The following PCDHGA9 variants were observed in gnomAD, a reference collection of about 807,000 sequenced individuals.
PCDHGA9 encodes protocadherin gamma subfamily A, 9.
A neutral mutation model predicts 62.5 loss-of-function variants in PCDHGA9; 37 were observed. The ratio of observed to expected loss-of-function variants is 0.59; its 90% CI spans 0.46 to 0.78. The LOEUF is 0.78. Ranked by LOEUF, PCDHGA9 falls within the 30% of genes least tolerant of loss-of-function variation. The pLI is 0.00. For synonymous variants in PCDHGA9, 459 were observed against 484.6 expected (o/e 0.95, Z 0.69); for missense variants, 1,138 against 1,166.2 (o/e 0.98, Z 0.35).
In PCDHGA9 at chr5:141,418,448, C is replaced by T. The variant is rs1240295197; in HGVS notation, c.2424+13072C>T. On this transcript the variant is annotated intron_variant, in intron 1 of 3. Transcript: ENST00000573521. ...TGGCAAATATCCAGAATTAGTATTG[C>T]AGAAGACTCTGGACCGAGAAACGCA... 1.9e-6 allele frequency: 3 copies of T among 1,613,850 alleles called. No homozygotes were observed. The African/African-American group carries it at 4.0e-5, about 22-fold the overall frequency.
At chr5:141,418,868 G>A in intron 1 of PCDHGA9, 2 of 1,613,998 alleles carry the variant, frequency 1.2e-6, no homozygotes, top group Non-Finnish European at 1.7e-6. Flanking sequence ...AATTGTAGAA[G>A]TTGTAGACGA....
intron 1 of PCDHGA9, chr5:141,409,251 C>T (rs2095247124): frequency 6.2e-7 from 1 of 1,613,922 alleles, no homozygotes; most frequent in Non-Finnish European, 8.5e-7. Context: ...ATAATCATCA[C>T]TTCTCTCTCT....
intron 1 of PCDHGA9, chr5:141,418,245 A>G: frequency 5.6e-6 from 9 of 1,614,046 alleles, no homozygotes; most frequent in Non-Finnish European, 7.6e-6. Flanking sequence ...GTTAATGACC[A>G]CGCCCCTCAA....
intron 1 of PCDHGA9, chr5:141,422,386 A>G: frequency 1.3e-6 from 2 of 1,587,922 alleles, no homozygotes; most frequent in Non-Finnish European, 1.7e-6. Flanking sequence ...CTCCTGTTTT[A>G]TTCCTAACCA....
chr5:141,415,961 C>T, intron 1 of PCDHGA9: 1 of 438,836 alleles, frequency 2.3e-6, no homozygotes, highest in Non-Finnish European at 3.6e-6. Context: ...TATTGAAACT[C>T]CAGCCCCTTA....
At position 141,404,694 on chromosome 5, in the gene PCDHGA9, C is replaced by T. The variant is rs749803871; in HGVS notation, c.1742C>T (p.Ser581Phe). 10 of 1,614,116 alleles carry T rather than the reference C, an allele frequency of 6.2e-6. No homozygotes were observed. The East Asian group carries it at 2.0e-4, about 32-fold the overall frequency. ...ACTGGTGTGGAGCTGGCACCCCGCT[C>T]TGCAGAGCCTGGCTACCTGGTGACC... Reference protein sequence around the residue: ...GSTGVELAPRSAEPGYLVTKV... With the variant: ...GSTGVELAPRFAEPGYLVTKV... The change falls in exon 1 of 4, where the codon TCT becomes TTT. Residue 581 changes from serine to phenylalanine, a missense_variant. Ser to Phe is a radical substitution (Grantham distance 155). Coordinates refer to ENST00000573521, the MANE Select transcript of PCDHGA9 (RefSeq NM_018921.3).
Position 141,510,980 on chromosome 5 carries a change from G to C in PCDHGA9, c.2606G>C (p.Gly869Ala), listed in dbSNP as rs1466168256. 12 of 1,614,170 alleles carry C rather than the reference G, an allele frequency of 7.4e-6. No individual in the cohort carries two copies. The highest frequency in any genetic ancestry group is 9.3e-6 in the Non-Finnish European group (11 of 1,180,014). ...AADGSSTLGG[G>A]AGTMGLSARY... ...GATGGGAGCTCCACCCTGGGAGGGG[G>C]TGCCGGCACCATGGGATTGAGCGCC... is the stretch of plus-strand genomic sequence containing the variant. Residue 869 changes from glycine (G) to alanine (A), a missense_variant, in exon 4 of 4, where the codon GGT becomes GCT. By Grantham distance (60) the Gly-to-Ala change is moderately conservative (BLOSUM62 0). Transcript: ENST00000573521.
At chr5:141,494,190 G>GAGAA (rs2099752701) in intron 1 of PCDHGA9, among the ~76,000 whole-genome samples, 1 of 152,186 alleles carries the variant, frequency 6.6e-6, no homozygotes, top group Non-Finnish European at 1.5e-5. Flanking sequence ...CCCGGGACTT[G>GAGAA]GATGCCCCGC....
In PCDHGA9 at chr5:141,476,868, C is replaced by G. The variant is rs1213404395; in HGVS notation, c.2425-17939C>G. On this transcript the variant is annotated intron_variant, in intron 1 of 3. Transcript: ENST00000573521. This position sits in a 1 kb window ranked among gnomAD's most constrained non-coding sequence, Gnocchi z 7.6. Reference sequence around the variant, plus strand: ...GTCTTCAACCAGTCCTTGTACCGGGCGCGCGTCCTGGAGGATGCACCCTCC... The same window carrying G: ...GTCTTCAACCAGTCCTTGTACCGGGGGCGCGTCCTGGAGGATGCACCCTCC... 2.5e-6 allele frequency: 4 copies of G among 1,613,874 alleles called. No homozygotes were observed. Among genetic ancestry groups the G allele is most frequent in the Non-Finnish European group, 3.4e-6 (4 of 1,180,050 alleles).
At position 141,409,159 on chromosome 5, in the gene PCDHGA9, GGAAGC is replaced by G. The variant is rs1361879939; in HGVS notation, c.2424+3788_2424+3792del. On this transcript the variant is annotated intron_variant, in intron 1 of 3. Transcript: ENST00000573521. ...ATGTAGAAAGGTACACCATGGAAGTGGAAGCGAAGGACGGAGGTGGTCTCTCTACC... is the reference window on the plus strand; with the variant it reads ...ATGTAGAAAGGTACACCATGGAAGTGGAAGGACGGAGGTGGTCTCTCTACC... The G allele has an allele frequency of 3.1e-6, 5 of 1,614,014 alleles. 1 individual carries two copies. In the South Asian group the frequency reaches 5.5e-5, roughly 18 times the overall value.
intron 2 of PCDHGA9, among the ~76,000 whole-genome samples, chr5:141,497,865 A>G (rs1248242691): frequency 2.0e-5 from 3 of 152,168 alleles, no homozygotes; most frequent in Admixed American, 2.0e-4. Flanking sequence ...CAGCGGCTCC[A>G]AAGTGAAATA....
At chr5:141,422,724 G>T (rs560544401) in intron 1 of PCDHGA9, 3 of 1,606,016 alleles carry the variant, frequency 1.9e-6, no homozygotes, top group Admixed American at 3.3e-5. Context: ...CTGTCCAGGG[G>T]GTGCCTCTGT....
At chr5:141,458,921 C>T (rs1471065767) in intron 1 of PCDHGA9, among the ~76,000 whole-genome samples, 1 of 151,960 alleles carries the variant, frequency 6.6e-6, no homozygotes, top group East Asian at 1.9e-4. Flanking sequence ...TTTGTGGAGA[C>T]GGGGTCTCAC....
At chr5:141,478,845 A>G in intron 1 of PCDHGA9, 2 of 1,389,784 alleles carry the variant, frequency 1.4e-6, no homozygotes, top group Non-Finnish European at 9.5e-7. Flanking sequence ...TGGTTAAGCT[A>G]AAACACAAGA....
intron 1 of PCDHGA9, chr5:141,427,780 TGTCGTCCTAC>T (rs892399327): frequency 8.9e-6 from 13 of 1,455,886 alleles, no homozygotes; most frequent in Middle Eastern, 1.7e-4. Context: ...CTGCGGGCAC[TGTCGTCCTAC>T]GTGTCCGTGA....
At position 141,487,425 on chromosome 5, in the gene PCDHGA9, G is replaced by A. The variant is rs116499036; in HGVS notation, c.2425-7382G>A. ...CTTCCCCCTTCCAATGGGATCCTCCGAATCCAGCTAGGGTCAGATGACCCT... is the reference window on the plus strand; with the variant it reads ...CTTCCCCCTTCCAATGGGATCCTCCAAATCCAGCTAGGGTCAGATGACCCT... On this transcript the variant is annotated intron_variant, in intron 1 of 3. Coordinates refer to ENST00000573521, the MANE Select transcript of PCDHGA9 (RefSeq NM_018921.3). This position sits in a 1 kb window ranked among gnomAD's most constrained non-coding sequence, Gnocchi z 5.0. The A allele has an allele frequency of 1.1e-5, 17 of 1,613,988 alleles. No individual in the cohort carries two copies. The highest frequency in any genetic ancestry group is 1.6e-4 in the Middle Eastern group (1 of 6,084).
At chr5:141,422,957 A>C in intron 1 of PCDHGA9, 1 of 1,614,190 alleles carries the variant, frequency 6.2e-7, no homozygotes. Flanking sequence ...ACTGGCGTGG[A>C]GCTGGCGCCC....
chr5:141,409,927 C>T, intron 1 of PCDHGA9: 5 of 1,613,342 alleles, frequency 3.1e-6, no homozygotes, highest in Middle Eastern at 1.6e-4. Flanking sequence ...CCGCGTTCTT[C>T]GATATGGTAC....
intron 1 of PCDHGA9, chr5:141,411,305 C>T (rs1317785609): frequency 6.6e-6 from 1 of 152,176 alleles, no homozygotes; most frequent in Non-Finnish European, 1.5e-5. Context: ...CCCAGTGGCT[C>T]ACACCTATAA....
Sources: allele counts gnomAD v4.1 joint callset (sites outside exome capture counted in the v4.1 genomes callset), GRCh38; gene constraint gnomAD v4.1.1; non-coding constraint Gnocchi (gnomAD v3.1); transcripts MANE v1.5; gene names NCBI Gene and HGNC (gene_info 2026-07-23, HGNC 2026-07-21).